SLC25A13: variants seen among roughly 807,000 people sequenced by gnomAD.
SLC25A13 encodes the protein electrogenic aspartate/glutamate antiporter SLC25A13, mitochondrial.
Under a neutral mutation model 85.5 loss-of-function variants are expected in SLC25A13, and 70 were observed. That is an observed-to-expected ratio of 0.82 (90% confidence interval 0.68 to 1.00). The LOEUF (loss-of-function observed/expected upper bound fraction) is 1.00, where lower values mean the gene tolerates loss of function less well. Ranked by LOEUF, SLC25A13 falls within the 50% of genes least tolerant of loss-of-function variation. The pLI is 0.00. For synonymous variants in SLC25A13, 259 were observed against 288.7 expected (o/e 0.90, Z 1.04); for missense variants, 765 against 819.8 (o/e 0.93, Z 0.82).
intron 9 of SLC25A13, among the ~76,000 whole-genome samples, chr7:96,186,254 A>G (rs1182763169): frequency 6.6e-6 from 1 of 151,902 alleles, no homozygotes; most frequent in Non-Finnish European, 1.5e-5. Flanking sequence ...CCATGGAGAA[A>G]CCCCGTCTCT....
At chr7:96,237,805 G>A (rs1469112950) in intron 3 of SLC25A13, among the ~76,000 whole-genome samples, 1 of 152,014 alleles carries the variant, frequency 6.6e-6, no homozygotes, top group Non-Finnish European at 1.5e-5. Context: ...TTTCCAACTT[G>A]GATAACTGAG....
At chr7:96,245,527 T>A (rs1283671907) in intron 3 of SLC25A13, among the ~76,000 whole-genome samples, 4 of 152,228 alleles carry the variant, frequency 2.6e-5, no homozygotes, top group African/African-American at 9.6e-5. Flanking sequence ...TAAATACTAG[T>A]AGACATCATT....
chr7:96,313,977 A>C (rs1203168776), intron 1 of SLC25A13, among the ~76,000 whole-genome samples: 1 of 152,184 alleles, frequency 6.6e-6, no homozygotes, highest in East Asian at 1.9e-4. Context: ...AAACTAGTAC[A>C]TTCTGTTTTG....
At chr7:96,176,302 A>T (rs993520388) in intron 11 of SLC25A13, among the ~76,000 whole-genome samples, 2 of 152,214 alleles carry the variant, frequency 1.3e-5, no homozygotes, top group Admixed American at 6.5e-5. Flanking sequence ...GGGTCCTGGA[A>T]ATTCACTTTA....
At chr7:96,211,448 C>A (rs949880593) in intron 4 of SLC25A13, among the ~76,000 whole-genome samples, 1 of 152,008 alleles carries the variant, frequency 6.6e-6, no homozygotes, top group African/African-American at 2.4e-5. Context: ...GTATACTATA[C>A]TAGATGTATA....
At chr7:96,306,660 C>T in intron 1 of SLC25A13, 1 of 708,514 alleles carries the variant, frequency 1.4e-6, no homozygotes. Context: ...CAGCTCTCTT[C>T]CTCTTCTTCT....
At chr7:96,283,571 T>C in intron 2 of SLC25A13, 1 of 336,006 alleles carries the variant, frequency 3.0e-6, no homozygotes, top group South Asian at 3.0e-5. Context: ...AGCATGCTGT[T>C]GGCACTGTTG....
intron 2 of SLC25A13, among the ~76,000 whole-genome samples, chr7:96,295,983 T>G (rs999642771): frequency 2.6e-5 from 4 of 152,050 alleles, no homozygotes; most frequent in African/African-American, 9.7e-5. Context: ...ATAAAGGTGT[T>G]TCGGTGTCTG....
chr7:96,261,405 C>T (rs940546280), intron 3 of SLC25A13, among the ~76,000 whole-genome samples: 1 of 152,152 alleles, frequency 6.6e-6, no homozygotes, highest in Non-Finnish European at 1.5e-5. Flanking sequence ...AAGGTTGTCT[C>T]AGATTTGTAG....
chr7:96,135,082 T>C (rs1792218896), intron 14 of SLC25A13, among the ~76,000 whole-genome samples: 1 of 152,110 alleles, frequency 6.6e-6, no homozygotes, highest in Admixed American at 6.6e-5. Flanking sequence ...GCTCTTAAGC[T>C]TCCTCACCTG....
intron 1 of SLC25A13, among the ~76,000 whole-genome samples, chr7:96,319,542 A>T (rs987079847): frequency 8.7e-5 from 11 of 126,780 alleles, no homozygotes; most frequent in African/African-American, 4.2e-4. Flanking sequence ...CTCCATCTCA[A>T]AAAAAAAAAA....
At chr7:96,156,613 G>A (rs926357049) in intron 13 of SLC25A13, among the ~76,000 whole-genome samples, 3 of 152,104 alleles carry the variant, frequency 2.0e-5, no homozygotes, top group Admixed American at 6.6e-5. Flanking sequence ...CACCGCGCCT[G>A]GCTAATTTTT....
chr7:96,279,369 T>C (rs1377217944), intron 2 of SLC25A13, among the ~76,000 whole-genome samples: 3 of 152,218 alleles, frequency 2.0e-5, no homozygotes, highest in Non-Finnish European at 2.9e-5. Flanking sequence ...AATAAAGACA[T>C]ACCTGCGACT....
intron 4 of SLC25A13, among the ~76,000 whole-genome samples, chr7:96,214,718 G>A (rs892244887): frequency 4.0e-5 from 6 of 151,462 alleles, no homozygotes; most frequent in Non-Finnish European, 7.4e-5. Flanking sequence ...GCGAGACTCC[G>A]TTGCAAAAAA....
intron 3 of SLC25A13, among the ~76,000 whole-genome samples, chr7:96,246,214 CACAAAAGTACCT>C (rs775623668): frequency 6.6e-6 from 1 of 152,208 alleles, no homozygotes; most frequent in Non-Finnish European, 1.5e-5. Context: ...GGCTGAAAAG[CACAAAAGTACCT>C]ACAGGGTACC....
intron 5 of SLC25A13, among the ~76,000 whole-genome samples, chr7:96,206,811 C>T (rs2116709019): frequency 6.6e-6 from 1 of 152,284 alleles, no homozygotes. Context: ...TTCCCCATAT[C>T]TGGAGGAAGG....
chr7:96,314,859 C>G (rs1375758309), intron 1 of SLC25A13, among the ~76,000 whole-genome samples: 1 of 152,176 alleles, frequency 6.6e-6, no homozygotes, highest in Non-Finnish European at 1.5e-5. Flanking sequence ...CCTTTCAACT[C>G]TCCCCACACC....
In SLC25A13 at chr7:96,214,984, G is replaced by C. The variant is rs368182887; in HGVS notation, c.329-6007C>G. Among the ~76,000 whole-genome samples the C allele has an allele frequency of 3.7e-4, 56 of 152,194 alleles. 2 individuals carry two copies. The East Asian group carries it at 8.3e-3, about 23-fold the overall frequency. On this transcript the variant is annotated intron_variant, in intron 4 of 17. Transcript: ENST00000265631. Reference sequence around the variant, plus strand: ...TTAAAATGGCAATACTCCCTAAAATGATCTATAGATTCAATGTAATCCCTA... The same window carrying C: ...TTAAAATGGCAATACTCCCTAAAATCATCTATAGATTCAATGTAATCCCTA...
intron 3 of SLC25A13, among the ~76,000 whole-genome samples, chr7:96,249,590 C>T (rs1008352419): frequency 1.3e-5 from 2 of 152,208 alleles, no homozygotes; most frequent in Admixed American, 6.5e-5. Flanking sequence ...TTTCCCCATT[C>T]TATGCCATCC....
Sources: allele counts gnomAD v4.1 joint callset (sites outside exome capture counted in the v4.1 genomes callset), GRCh38; gene constraint gnomAD v4.1.1; transcripts MANE v1.5; gene names NCBI Gene and HGNC (gene_info 2026-07-23, HGNC 2026-07-21).